Variants in BAZ2B observed in about 807,000 individuals in gnomAD.
BAZ2B encodes the protein bromodomain adjacent to zinc finger domain protein 2B.
Under a neutral mutation model 246.0 loss-of-function variants are expected in BAZ2B, and 91 were observed. The observed-to-expected ratio is 0.37, with a 90% confidence interval of 0.31 to 0.44. The LOEUF (loss-of-function observed/expected upper bound fraction) is 0.44, where lower values mean the gene tolerates loss of function less well. Ranked by LOEUF, BAZ2B falls within the 20% of genes least tolerant of loss-of-function variation. The probability of loss-of-function intolerance (pLI) is 1.00; values close to 1 mark genes in which losing one functional copy is unlikely to be tolerated. For synonymous variants in BAZ2B, 855 were observed against 860.0 expected (o/e 0.99, Z 0.10); for missense variants, 2,332 against 2,533.7 (o/e 0.92, Z 1.71).
At chr2:159,687,129 T>C in the BAZ2B span, among the ~76,000 whole-genome samples, 3 of 151,930 alleles carry the variant, frequency 2.0e-5, no homozygotes, top group East Asian at 5.8e-4. Context: ...ATACAGTAAC[T>C]TGCTGTACTA....
chr2:159,417,734 A>G (rs971712265), intron 13 of BAZ2B, among the ~76,000 whole-genome samples: 4 of 152,224 alleles, frequency 2.6e-5, no homozygotes, highest in Non-Finnish European at 5.9e-5. Flanking sequence ...TACTCTGAGC[A>G]AGGCATAACA....
chr2:159,642,367 A>G, the BAZ2B span, among the ~76,000 whole-genome samples: 1 of 150,884 alleles, frequency 6.6e-6, no homozygotes, highest in African/African-American at 2.4e-5. Context: ...CCTCCCAAGT[A>G]GCTGGGATTA....
At chr2:159,593,197 C>G (rs1227940451) in intron 1 of BAZ2B, among the ~76,000 whole-genome samples, 4 of 152,172 alleles carry the variant, frequency 2.6e-5, no homozygotes, top group African/African-American at 9.7e-5. Context: ...AGAGTATGTC[C>G]AAAATCTATA....
At chr2:159,485,683 T>A (rs1477566070) in intron 2 of BAZ2B, among the ~76,000 whole-genome samples, 1 of 152,046 alleles carries the variant, frequency 6.6e-6, no homozygotes, top group Non-Finnish European at 1.5e-5. Context: ...TTTACAAAAT[T>A]GGTGGTTAAA....
intron 1 of BAZ2B, among the ~76,000 whole-genome samples, chr2:159,609,551 G>T (rs1423180030): frequency 6.6e-6 from 1 of 151,996 alleles, no homozygotes; most frequent in Non-Finnish European, 1.5e-5. Context: ...TTCTGTTATT[G>T]ATCTATGGAC....
chr2:159,546,436 T>G (rs917214699), intron 2 of BAZ2B, among the ~76,000 whole-genome samples: 1 of 149,810 alleles, frequency 6.7e-6, no homozygotes. Context: ...CTCTTTCTTT[T>G]GTAAATTGCC....
chr2:159,574,301 C>CAAT (rs60431994), intron 1 of BAZ2B, among the ~76,000 whole-genome samples: 140,305 of 151,972 alleles, frequency 0.92, 65,263 homozygotes, highest in East Asian at 1. Flanking sequence ...ATCAAAACCA[C>CAAT]GAGATGGCAC....
chr2:159,562,662 T>C (rs963272097), intron 1 of BAZ2B, among the ~76,000 whole-genome samples: 3 of 152,340 alleles, frequency 2.0e-5, no homozygotes, highest in Admixed American at 1.3e-4. Context: ...GTTTTAGTTA[T>C]ATATACTTTT....
intron 3 of BAZ2B, among the ~76,000 whole-genome samples, chr2:159,466,811 C>G (rs2077118315): frequency 1.3e-5 from 2 of 152,160 alleles, no homozygotes. Context: ...CTACTCCCCT[C>G]TTCCTCCATT....
chr2:159,655,849 G>C, the BAZ2B span, among the ~76,000 whole-genome samples: 1 of 152,010 alleles, frequency 6.6e-6, no homozygotes, highest in Non-Finnish European at 1.5e-5. Context: ...TTTATGTTGA[G>C]TCACTGCTAT....
At chr2:159,551,441 C>T (rs2088219462) in intron 2 of BAZ2B, among the ~76,000 whole-genome samples, 1 of 142,586 alleles carries the variant, frequency 7.0e-6, no homozygotes, top group Non-Finnish European at 1.5e-5. Flanking sequence ...TGCACTCCAG[C>T]CTGGGTGACA....
At chr2:159,501,205 T>TA (rs2081751946) in intron 2 of BAZ2B, among the ~76,000 whole-genome samples, 2 of 75,426 alleles carry the variant, frequency 2.7e-5, no homozygotes, top group Non-Finnish European at 5.4e-5. Context: ...ATATATATTT[T>TA]TATATATATT....
intron 1 of BAZ2B, among the ~76,000 whole-genome samples, chr2:159,606,224 CCTT>C (rs1328146291): frequency 6.6e-6 from 1 of 152,192 alleles, no homozygotes; most frequent in African/African-American, 2.4e-5. Flanking sequence ...AAAATTGTCT[CCTT>C]TTTTGTTGTT....
At chr2:159,589,536 T>TA (rs1323338228) in intron 1 of BAZ2B, among the ~76,000 whole-genome samples, 13 of 152,314 alleles carry the variant, frequency 8.5e-5, no homozygotes, top group African/African-American at 3.1e-4. Flanking sequence ...CTATTTGAGT[T>TA]ACAGTATTTA....
intron 1 of BAZ2B, among the ~76,000 whole-genome samples, chr2:159,577,043 C>G (rs1472157768): frequency 6.6e-6 from 1 of 151,420 alleles, no homozygotes; most frequent in African/African-American, 2.4e-5. Flanking sequence ...CTAGGCAACA[C>G]AGTGAGACCC....
At chr2:159,425,846 G>T (rs1305892323) in intron 13 of BAZ2B, among the ~76,000 whole-genome samples, 1 of 152,068 alleles carries the variant, frequency 6.6e-6, no homozygotes, top group East Asian at 1.9e-4. Context: ...CTTATATAAT[G>T]ATATACATTT....
chr2:159,325,747 C>T lies in BAZ2B; in HGVS notation c.6115G>A (p.Glu2039Lys). 1 of 1,598,612 alleles carries T rather than the reference C, an allele frequency of 6.3e-7. No individual in the cohort carries two copies. The highest frequency in any genetic ancestry group is 8.5e-7 in the Non-Finnish European group (1 of 1,176,574). Residue 2039 changes from glutamate to lysine, a missense_variant, in exon 35 of 37, where the codon GAG (glutamate) becomes AAG (lysine). Around this residue, in one of 9 missense-constraint regions of BAZ2B, gnomAD observed 210 missense variants for 232.5 expected, o/e 0.90. Coordinates refer to ENST00000392783, the MANE Select transcript of BAZ2B (RefSeq NM_013450.4). Reference sequence around the variant, plus strand: ...GACAAGTTAATAGAAGTGTTTTCCTCCATTTTTCTTTTCTTGAGGTCTTTG... The same window carrying T: ...GACAAGTTAATAGAAGTGTTTTCCTTCATTTTTCTTTTCTTGAGGTCTTTG... Reference protein sequence around the residue: ...GNKDLKKRKMEENTSINLSKQ... With the variant: ...GNKDLKKRKMKENTSINLSKQ...
intron 1 of BAZ2B, among the ~76,000 whole-genome samples, chr2:159,611,303 A>G (rs1301846139): frequency 2.0e-5 from 3 of 151,988 alleles, no homozygotes; most frequent in South Asian, 2.1e-4. Flanking sequence ...ACACAATTCA[A>G]TGTTCCTTAA....
intron 3 of BAZ2B, 97 bp downstream of exon 3, chr2:159,478,478 G>C: frequency 3.0e-6 from 4 of 1,336,958 alleles, no homozygotes; most frequent in Non-Finnish European, 4.0e-6. Flanking sequence ...ACAGGTCAAT[G>C]CAAGTCATGA....
Sources: gnomAD v4.1 joint callset for allele counts (sites outside exome capture counted in the v4.1 genomes callset) on GRCh38, gnomAD v4.1.1 for gene constraint, gnomAD v4.1.1 regional missense constraint, MANE v1.5 for transcripts, NCBI Gene and HGNC (gene_info 2026-07-23, HGNC 2026-07-21) for gene names.